The following TRPM3 variants were observed in gnomAD, a reference collection of about 807,000 sequenced individuals.
The protein encoded by TRPM3 is long transient receptor potential channel 3.
TRPM3 carries 77 observed loss-of-function variants against 181.2 expected under a neutral mutation model. The observed-to-expected ratio is 0.42, with a 90% CI of 0.35 to 0.51. TRPM3 has a LOEUF of 0.51. Among genes scored for constraint, TRPM3 ranks in the 20% least tolerant of loss-of-function variants. The pLI is 0.01. For missense variants in TRPM3, 1,759 were observed against 2,196.7 expected, an observed-to-expected ratio of 0.80 and a Z score of 3.98; for synonymous variants, 745 against 796.4, an observed-to-expected ratio of 0.94 and a Z score of 1.09.
intron 1 of TRPM3, among the ~76,000 whole-genome samples, chr9:71,144,666 A>T (rs117365181): frequency 0.016 from 2,511 of 152,296 alleles, 33 homozygotes; most frequent in Non-Finnish European, 0.025. Flanking sequence ...CTTACTTGAC[A>T]TATCAGCAGA....
chr9:70,798,501 T>TGTCTTTTGG (rs1337569989), intron 6 of TRPM3, among the ~76,000 whole-genome samples: 4 of 152,158 alleles, frequency 2.6e-5, no homozygotes, highest in African/African-American at 9.7e-5. Context: ...TTTAAAAGAA[T>TGTCTTTTGG]GTCTTTTGGT....
At chr9:71,186,508 G>A (rs2077689056) in intron 1 of TRPM3, among the ~76,000 whole-genome samples, 1 of 151,900 alleles carries the variant, frequency 6.6e-6, no homozygotes, top group African/African-American at 2.4e-5. Flanking sequence ...TTAGCTTCCT[G>A]TCTCCAAGGG....
At chr9:70,763,370 G>T (rs1588014902) in intron 7 of TRPM3, among the ~76,000 whole-genome samples, 1 of 152,050 alleles carries the variant, frequency 6.6e-6, no homozygotes, top group Admixed American at 6.6e-5. Context: ...AGTTAGTTGG[G>T]CATGGTGGTG....
intron 18 of TRPM3, among the ~76,000 whole-genome samples, chr9:70,615,701 A>T (rs562541763): frequency 1.3e-5 from 2 of 152,228 alleles, no homozygotes; most frequent in African/African-American, 4.8e-5. Flanking sequence ...GCAAGACTTC[A>T]CATATGGGTG....
At position 70,742,310 on chromosome 9, in the gene TRPM3, T is replaced by A. The variant is rs189109896; in HGVS notation, c.1272+19291A>T. ...TATATTTCTACAATGAAAATTTTTT[T>A]AAAAATAGATATATAACTACATATT... On this transcript the variant is annotated intron_variant, in intron 8 of 25. Coordinates refer to ENST00000677713, the MANE Select transcript of TRPM3 (RefSeq NM_001366145.2). Among the ~76,000 whole-genome samples, 266 of 152,222 alleles carry A rather than the reference T, an allele frequency of 1.7e-3. 1 individual carries two copies. The highest frequency in any genetic ancestry group is 5.3e-3 in the African/African-American group (222 of 41,568).
At chr9:70,742,894 C>T (rs2074421990) in intron 8 of TRPM3, among the ~76,000 whole-genome samples, 1 of 152,172 alleles carries the variant, frequency 6.6e-6, no homozygotes, top group Non-Finnish European at 1.5e-5. Flanking sequence ...CCCTGTATTG[C>T]TCAGTGGAAC....
At chr9:71,122,052 C>T (rs1554830669), upstream of TRPM3, among the ~76,000 whole-genome samples, 1 of 152,178 alleles carries the variant, frequency 6.6e-6, no homozygotes, top group Non-Finnish European at 1.5e-5. Context: ...TGGGTTGTTC[C>T]TTTCATACAA....
At chr9:70,951,936 C>T (rs1228878561) in intron 1 of TRPM3, among the ~76,000 whole-genome samples, 1 of 152,164 alleles carries the variant, frequency 6.6e-6, no homozygotes, top group Non-Finnish European at 1.5e-5. Flanking sequence ...ACAATGGCTG[C>T]TCTGAGGCAG....
intron 1 of TRPM3, among the ~76,000 whole-genome samples, chr9:70,885,914 T>A (rs1259701027): frequency 6.6e-6 from 1 of 152,172 alleles, no homozygotes; most frequent in Non-Finnish European, 1.5e-5. Context: ...TTGCCCTTAA[T>A]AATACAAAGA....
intron 18 of TRPM3, among the ~76,000 whole-genome samples, chr9:70,611,938 G>A (rs1033961239): frequency 7.9e-5 from 12 of 152,154 alleles, no homozygotes; most frequent in Admixed American, 3.9e-4. Flanking sequence ...TCACTCAGAC[G>A]GGAGACTGAA....
intron 1 of TRPM3, among the ~76,000 whole-genome samples, chr9:71,278,650 G>A (rs2084415092): frequency 6.6e-6 from 1 of 152,162 alleles, no homozygotes; most frequent in South Asian, 2.1e-4. Context: ...TATTTAGGTT[G>A]AACCGTATGT....
chr9:70,966,447 T>C (rs2097186389), intron 1 of TRPM3, among the ~76,000 whole-genome samples: 1 of 152,148 alleles, frequency 6.6e-6, no homozygotes, highest in Non-Finnish European at 1.5e-5. Context: ...CATGCTTATG[T>C]TCATTGCAGT....
intron 7 of TRPM3, among the ~76,000 whole-genome samples, chr9:70,779,869 T>C (rs17055802): frequency 0.019 from 2,827 of 152,124 alleles, 99 homozygotes; most frequent in African/African-American, 0.065. Context: ...AAACAGAAAA[T>C]CCATTATGCC....
intron 7 of TRPM3, among the ~76,000 whole-genome samples, chr9:70,777,525 C>T (rs1320020063): frequency 6.6e-6 from 1 of 152,104 alleles, no homozygotes; most frequent in Non-Finnish European, 1.5e-5. Flanking sequence ...TGGAGCTACT[C>T]TAGCCTTATA....
intron 22 of TRPM3, among the ~76,000 whole-genome samples, chr9:70,564,484 A>T (rs974295967): frequency 2.6e-5 from 4 of 152,126 alleles, no homozygotes; most frequent in Non-Finnish European, 5.9e-5. Context: ...CAGGCCACAC[A>T]CTAAGGAATA....
chr9:70,838,671 T>C (rs1257371055), intron 5 of TRPM3, among the ~76,000 whole-genome samples: 1 of 151,932 alleles, frequency 6.6e-6, no homozygotes, highest in Non-Finnish European at 1.5e-5. Flanking sequence ...GGATTATGGA[T>C]AGTAATAGAG....
intron 9 of TRPM3, among the ~76,000 whole-genome samples, chr9:70,666,637 T>C (rs2061887455): frequency 6.6e-6 from 1 of 152,144 alleles, no homozygotes. Flanking sequence ...GTTCTTTGCA[T>C]GTGGCCCACT....
At chr9:70,842,486 G>A (rs1017970176) in intron 5 of TRPM3, among the ~76,000 whole-genome samples, 12 of 151,946 alleles carry the variant, frequency 7.9e-5, no homozygotes, top group Admixed American at 7.9e-4. Flanking sequence ...TTAATTCTTC[G>A]CCACTTTTAA....
Position 70,529,559 on chromosome 9 carries a change from C to T in TRPM3, c.*6394G>A, listed in dbSNP as rs1022731437. 6.6e-6 allele frequency: 1 copy of T among 152,214 alleles called. No individual in the cohort carries two copies. Among genetic ancestry groups the T allele is most frequent in the African/African-American group, 2.4e-5 (1 of 41,452 alleles). The allele number at this position is 152,214 out of a possible 1,614,324, so 9.4% of individuals were successfully genotyped here. On this transcript the variant is annotated 3_prime_UTR_variant, in exon 26 of 26. Transcript: ENST00000677713. ...GAAGCAGGTAAGTCTTCATACCATG[C>T]TATGGTACTCTTCTTCTGAATCTCT...
Sources: allele counts gnomAD v4.1 joint callset (sites outside exome capture counted in the v4.1 genomes callset), GRCh38; gene constraint gnomAD v4.1.1; transcripts MANE v1.5; gene names NCBI Gene and HGNC (gene_info 2026-07-23, HGNC 2026-07-21).